Variants in FRMD4B observed in about 807,000 individuals in gnomAD.
The protein encoded by FRMD4B is FERM domain-containing protein 4B.
FRMD4B carries 74 observed loss-of-function variants against 141.5 expected under a neutral mutation model. The observed-to-expected ratio is 0.52, with a 90% confidence interval of 0.43 to 0.63. FRMD4B has a LOEUF of 0.63. FRMD4B is among the 30% of genes least tolerant of loss of function. The pLI is 0.00. For synonymous variants in FRMD4B, 506 were observed against 467.9 expected (o/e 1.08, Z -1.05); for missense variants, 1,366 against 1,253.4 (o/e 1.09, Z -1.36).
intron 5 of FRMD4B, among the ~76,000 whole-genome samples, chr3:69,252,264 T>G (rs2093467304): frequency 1.3e-5 from 2 of 152,202 alleles, no homozygotes; most frequent in Non-Finnish European, 2.9e-5. Flanking sequence ...AATGCTGAAA[T>G]GAGGAACTGA....
chr3:69,299,828 G>A (rs745785916), intron 4 of FRMD4B, among the ~76,000 whole-genome samples: 3 of 152,014 alleles, frequency 2.0e-5, no homozygotes, highest in African/African-American at 7.2e-5. Flanking sequence ...TACACATCTC[G>A]GTGTCCATGA....
intron 1 of FRMD4B, among the ~76,000 whole-genome samples, chr3:69,456,070 G>A (rs1330584672): frequency 1.3e-5 from 2 of 152,184 alleles, no homozygotes; most frequent in Non-Finnish European, 2.9e-5. Flanking sequence ...CTGGTGCCGA[G>A]TATCTCTAAA....
At chr3:69,350,810 G>A (rs1412463489) in intron 1 of FRMD4B, among the ~76,000 whole-genome samples, 10 of 137,634 alleles carry the variant, frequency 7.3e-5, no homozygotes, top group Middle Eastern at 3.8e-3. Flanking sequence ...AACAGCACAC[G>A]CTGGGGCCTG....
intron 1 of FRMD4B, among the ~76,000 whole-genome samples, chr3:69,504,923 T>C (rs1264192761): frequency 2.8e-4 from 42 of 152,228 alleles, no homozygotes; most frequent in Admixed American, 2.7e-3. Context: ...GAAGGGTCAC[T>C]GCTCTTCATC....
At chr3:69,271,859 C>T (rs2093595877) in intron 5 of FRMD4B, among the ~76,000 whole-genome samples, 1 of 152,082 alleles carries the variant, frequency 6.6e-6, no homozygotes, top group Non-Finnish European at 1.5e-5. Context: ...CCTATAATCC[C>T]AGCTGCTCGG....
intron 5 of FRMD4B, among the ~76,000 whole-genome samples, chr3:69,259,996 T>C (rs1162382143): frequency 6.6e-6 from 1 of 152,226 alleles, no homozygotes; most frequent in Non-Finnish European, 1.5e-5. Context: ...TTTTGTGATA[T>C]ACCTACAAAT....
intron 1 of FRMD4B, among the ~76,000 whole-genome samples, chr3:69,359,473 G>A (rs924572122): frequency 6.6e-6 from 1 of 152,210 alleles, no homozygotes; most frequent in African/African-American, 2.4e-5. Context: ...GGGACTGACC[G>A]ATAAGGAACA....
intron 5 of FRMD4B, among the ~76,000 whole-genome samples, chr3:69,252,837 GA>G (rs1343251130): frequency 6.6e-6 from 1 of 152,176 alleles, no homozygotes; most frequent in East Asian, 1.9e-4. Context: ...CTCAAAGAGA[GA>G]GGTAACGGGA....
At chr3:69,245,347 G>GTTTTTT (rs1488467550) in intron 7 of FRMD4B, among the ~76,000 whole-genome samples, 2 of 150,894 alleles carry the variant, frequency 1.3e-5, no homozygotes, top group African/African-American at 4.9e-5. Context: ...GTGTGTGTGT[G>GTTTTTT]TGTGTGTTTT....
intron 11 of FRMD4B, among the ~76,000 whole-genome samples, chr3:69,211,784 G>A (rs979867931): frequency 6.6e-6 from 1 of 152,090 alleles, no homozygotes; most frequent in African/African-American, 2.4e-5. Context: ...TGGTAAACTT[G>A]CAGCCTGCAC....
chr3:69,243,486 A>G (rs1301432830), intron 7 of FRMD4B, among the ~76,000 whole-genome samples: 2 of 152,220 alleles, frequency 1.3e-5, no homozygotes, highest in African/African-American at 4.8e-5. Flanking sequence ...CTTGAATGCC[A>G]GGTTGTGCTG....
chr3:69,535,481 T>G (rs1454814318), intron 1 of FRMD4B, among the ~76,000 whole-genome samples: 2 of 152,250 alleles, frequency 1.3e-5, no homozygotes, highest in Non-Finnish European at 2.9e-5. Flanking sequence ...TCTACTATTA[T>G]TTGTTGAGCC....
At chr3:69,469,783 T>A (rs1471090931) in intron 1 of FRMD4B, among the ~76,000 whole-genome samples, 2 of 152,146 alleles carry the variant, frequency 1.3e-5, no homozygotes, top group Admixed American at 6.5e-5. Context: ...TGATAAAGGT[T>A]TTATATAGTT....
chr3:69,485,108 C>T (rs541507902), intron 1 of FRMD4B, among the ~76,000 whole-genome samples: 10 of 152,318 alleles, frequency 6.6e-5, no homozygotes, highest in Non-Finnish European at 1.2e-4. Flanking sequence ...ACTTCCCCTC[C>T]CCTGCTCCTC....
At chr3:69,230,021 G>A (rs1190048780) in intron 7 of FRMD4B, among the ~76,000 whole-genome samples, 7 of 151,324 alleles carry the variant, frequency 4.6e-5, no homozygotes, top group Non-Finnish European at 1.5e-5. Context: ...CTGTCACCCA[G>A]GCTGGAGTGC....
rs2092885791 is a variant in FRMD4B at position 69,195,056 on chromosome 3, A to G, written c.1454T>C (p.Phe485Ser). The G allele has an allele frequency of 1.2e-6, 2 of 1,613,740 alleles. No individual in the cohort carries two copies. The highest frequency in any genetic ancestry group is 1.7e-5 in the Admixed American group (1 of 60,002). Residue 485 changes from phenylalanine to serine, a missense_variant, in exon 16 of 23, where the codon TTC becomes TCC. Physicochemically the swap from Phe to Ser is radical, Grantham distance 155. Transcript: ENST00000398540. The stretch of plus-strand genomic sequence containing the variant: ...CGGCAGCAAGTTGTCATCTAATTTG[A>G]ACGCAGTACCCACACGTCTTCTGAC... ...PQVRRRVGTA[F>S]KLDDNLLPSE...
intron 19 of FRMD4B, among the ~76,000 whole-genome samples, chr3:69,183,461 C>A (rs1402023813): frequency 6.8e-6 from 1 of 147,554 alleles, no homozygotes; most frequent in East Asian, 2.0e-4. Flanking sequence ...GGTGACAACA[C>A]AATTAGAAGT....
intron 4 of FRMD4B, among the ~76,000 whole-genome samples, chr3:69,301,360 C>T (rs1701213605): frequency 1.3e-5 from 2 of 152,096 alleles, no homozygotes; most frequent in South Asian, 2.1e-4. Flanking sequence ...TGGAGTCTCA[C>T]TATTGTCCAG....
chr3:69,423,889 C>T (rs1048099562), intron 2 of FRMD4B, among the ~76,000 whole-genome samples: 3 of 152,128 alleles, frequency 2.0e-5, no homozygotes, highest in Non-Finnish European at 4.4e-5. Context: ...TGGTGAATTT[C>T]CCAGGCTCCA....
Sources: gnomAD v4.1 joint callset for allele counts (sites outside exome capture counted in the v4.1 genomes callset) on GRCh38, gnomAD v4.1.1 for gene constraint, MANE v1.5 for transcripts, NCBI Gene and HGNC (gene_info 2026-07-23, HGNC 2026-07-21) for gene names.